Variants in SLC25A24 observed in about 807,000 individuals in gnomAD.
SLC25A24 encodes mitochondrial adenyl nucleotide antiporter SLC25A24.
SLC25A24 carries 49 observed loss-of-function variants against 60.7 expected under a neutral mutation model. That is an observed-to-expected ratio of 0.81 (90% CI 0.64 to 1.02). The LOEUF (loss-of-function observed/expected upper bound fraction) is 1.02, where lower values mean the gene tolerates loss of function less well. SLC25A24 is among the 50% of genes least tolerant of loss of function. SLC25A24 has a pLI of 0.00. For missense variants in SLC25A24, 564 were observed against 586.3 expected (o/e 0.96, Z 0.39); for synonymous variants, 202 against 200.6 (o/e 1.01, Z -0.06).
In SLC25A24 at chr1:108,134,045, T is replaced by G. The variant is rs548925067; in HGVS notation, c.*2608A>C. ...ACAAAATACTGTAAAGTACAATCTC[T>G]GCTTGCATAAATTTATTCTCTTGAC... On this transcript the variant is annotated 3_prime_UTR_variant, in exon 10 of 10. Coordinates refer to ENST00000565488, the MANE Select transcript of SLC25A24 (RefSeq NM_013386.5). 1.3e-5 allele frequency: 2 copies of G among 152,362 alleles called. No homozygotes were observed. Among genetic ancestry groups the G allele is most frequent in the African/African-American group, 4.8e-5 (2 of 41,594 alleles). The allele number at this position is 152,362 out of a possible 1,614,324, so 9.4% of individuals were successfully genotyped here.
chr1:108,174,035 G>A (rs1332480613), intron 3 of SLC25A24, among the ~76,000 whole-genome samples: 2 of 152,186 alleles, frequency 1.3e-5, no homozygotes, highest in Non-Finnish European at 2.9e-5. Context: ...CTGATGATGT[G>A]ACAGAAAAGA....
chr1:108,181,761 C>T (rs575918886), intron 3 of SLC25A24, among the ~76,000 whole-genome samples, 180 bp downstream of exon 3: 105 of 152,296 alleles, frequency 6.9e-4, no homozygotes, highest in African/African-American at 2.3e-3. Context: ...TTACACTTCC[C>T]ATTCTTACAC....
intron 5 of SLC25A24, among the ~76,000 whole-genome samples, chr1:108,156,723 C>A (rs558949097): frequency 6.6e-6 from 1 of 152,160 alleles, no homozygotes; most frequent in Non-Finnish European, 1.5e-5. Flanking sequence ...GATTCTTAAA[C>A]CATTCTTATT....
intron 3 of SLC25A24, among the ~76,000 whole-genome samples, chr1:108,172,832 T>C (rs553932977): frequency 6.6e-6 from 1 of 152,300 alleles, no homozygotes; most frequent in South Asian, 2.1e-4. Context: ...ATGATGGTTA[T>C]ATAACTACAG....
rs752209366 is a variant in SLC25A24 at position 108,143,543 on chromosome 1, C to T, written c.1098G>A (p.Glu366=). The T allele has an allele frequency of 3.1e-6, 5 of 1,608,144 alleles. No individual in the cohort carries two copies. The South Asian group carries it at 5.6e-5, about 18-fold the overall frequency. The change falls in exon 8 of 10, where the codon GAG becomes GAA. Residue 366 remains glutamate (E), a splice_region_variant and synonymous_variant. Transcript: ENST00000565488. ...PYAGIDLAVY[E]LLKSYWLDNF... Reference sequence around the variant, plus strand: ...ATTCAAAAGATTTCTACAAACTCACCTCATACACAGCAAGATCTATGCCTG... The same window carrying T: ...ATTCAAAAGATTTCTACAAACTCACTTCATACACAGCAAGATCTATGCCTG...
chr1:108,147,367 G>C (rs768946570), intron 7 of SLC25A24, among the ~76,000 whole-genome samples: 6 of 152,064 alleles, frequency 3.9e-5, no homozygotes, highest in Non-Finnish European at 8.8e-5. Flanking sequence ...AACAGCTCCT[G>C]GATTCAATGA....
intron 8 of SLC25A24, 79 bp downstream of exon 8, chr1:108,143,464 T>C: frequency 8.3e-7 from 1 of 1,201,998 alleles, no homozygotes; most frequent in Admixed American, 2.3e-5. Flanking sequence ...TTCTGGTATA[T>C]ATCTACTTCT....
At chr1:108,139,894 G>A (rs1468735944) in intron 8 of SLC25A24, among the ~76,000 whole-genome samples, 1 of 152,090 alleles carries the variant, frequency 6.6e-6, no homozygotes. Flanking sequence ...TTATAGGCAT[G>A]AGCCACCACA....
intron 3 of SLC25A24, among the ~76,000 whole-genome samples, chr1:108,171,198 C>T (rs1647449576): frequency 6.6e-6 from 1 of 151,804 alleles, no homozygotes; most frequent in African/African-American, 2.4e-5. Flanking sequence ...TCAACTACTA[C>T]AGTTTCAATG....
intron 5 of SLC25A24, among the ~76,000 whole-genome samples, chr1:108,155,579 T>C (rs1040746832): frequency 6.6e-6 from 1 of 151,994 alleles, no homozygotes; most frequent in African/African-American, 2.4e-5. Flanking sequence ...TAAAGTAATA[T>C]GTTACTCCCT....
At chr1:108,171,086 T>C (rs1421112574) in intron 3 of SLC25A24, among the ~76,000 whole-genome samples, 1 of 152,200 alleles carries the variant, frequency 6.6e-6, no homozygotes, top group African/African-American at 2.4e-5. Flanking sequence ...TTTCTATGTT[T>C]TTCCCTCTTC....
chr1:108,164,533 G>A (rs1291728189), intron 3 of SLC25A24, among the ~76,000 whole-genome samples: 1 of 151,984 alleles, frequency 6.6e-6, no homozygotes, highest in Non-Finnish European at 1.5e-5. Context: ...GGGTGTATGT[G>A]TCGAGGAATT....
intron 1 of SLC25A24, among the ~76,000 whole-genome samples, chr1:108,189,173 T>A (rs2101644703): frequency 6.6e-6 from 1 of 152,340 alleles, no homozygotes; most frequent in African/African-American, 2.4e-5. Context: ...TGAACAGTTT[T>A]TTTTAACCCA....
intron 9 of SLC25A24, 35 bp downstream of exon 9, chr1:108,139,023 C>G: frequency 1.3e-6 from 2 of 1,511,472 alleles, no homozygotes; most frequent in Non-Finnish European, 1.8e-6. Flanking sequence ...TGGTGCAGCA[C>G]TTTTATCGGT....
At chr1:108,144,109 G>A (rs1316206344) in intron 7 of SLC25A24, among the ~76,000 whole-genome samples, 2 of 152,062 alleles carry the variant, frequency 1.3e-5, no homozygotes, top group Non-Finnish European at 2.9e-5. Flanking sequence ...CTGATATGGA[G>A]GATATGAGAG....
At chr1:108,190,912 C>T (rs1019448243) in intron 1 of SLC25A24, among the ~76,000 whole-genome samples, 14 of 138,538 alleles carry the variant, frequency 1.0e-4, no homozygotes, top group African/African-American at 3.5e-4. Context: ...GACATGTGAA[C>T]CCTCCTCAGT....
chr1:108,157,570 G>A lies in SLC25A24; in HGVS notation c.561C>T (p.Asp187=), dbSNP rs368890665. The A allele has an allele frequency of 1.7e-5, 28 of 1,613,626 alleles. No homozygotes were observed. The highest frequency in any genetic ancestry group is 6.7e-5 in the African/African-American group (5 of 74,774). The part of the protein sequence containing the change: ...SLTIPDEFTE[D]EKKSGQWWRQ... ...TCCACCATTGTCCGGATTTTTTTTC[G>A]TCTTCCGTGAATTCATCTGGAATAG... The change falls in exon 5 of 10, where the codon GAC becomes GAT. Residue 187 remains aspartate (D), a synonymous_variant. Coordinates refer to ENST00000565488, the MANE Select transcript of SLC25A24 (RefSeq NM_013386.5).
intron 6 of SLC25A24, 73 bp from the exon 7 acceptor site, chr1:108,148,459 G>A (rs1679667619): frequency 1.3e-5 from 11 of 843,124 alleles, no homozygotes; most frequent in Non-Finnish European, 2.2e-5. Flanking sequence ...AAATTCATAT[G>A]TTGAAGCTGT....
chr1:108,173,720 G>T (rs1472977039), intron 3 of SLC25A24, among the ~76,000 whole-genome samples: 1 of 152,166 alleles, frequency 6.6e-6, no homozygotes, highest in Non-Finnish European at 1.5e-5. Context: ...ACAAAAAGAG[G>T]TGGGAAAGTT....
Sources: allele counts gnomAD v4.1 joint callset (sites outside exome capture counted in the v4.1 genomes callset), GRCh38; gene constraint gnomAD v4.1.1; transcripts MANE v1.5; gene names NCBI Gene and HGNC (gene_info 2026-07-23, HGNC 2026-07-21).